The following NKAIN3 variants were observed in gnomAD, a reference collection of about 807,000 sequenced individuals.
NKAIN3 encodes sodium/potassium transporting ATPase interacting 3, also known as sodium/potassium-transporting ATPase subunit beta-1-interacting protein 3.
In NKAIN3, 25 loss-of-function variants were observed where a neutral mutation model predicts 30.2. The ratio of observed to expected loss-of-function variants is 0.83; its 90% CI spans 0.60 to 1.16. The LOEUF (loss-of-function observed/expected upper bound fraction) is 1.16. Among genes scored for constraint, NKAIN3 ranks in the 50% most tolerant of loss-of-function variants. NKAIN3 has a pLI of 0.00. For missense variants in NKAIN3, 225 were observed against 254.1 expected (o/e 0.89, Z 0.78); for synonymous variants, 91 against 89.6 (o/e 1.02, Z -0.09).
chr8:62,708,484 A>G (rs955705383), intron 3 of NKAIN3, among the ~76,000 whole-genome samples: 2 of 152,040 alleles, frequency 1.3e-5, no homozygotes, highest in Middle Eastern at 3.4e-3. Context: ...TTTTGCAGCT[A>G]TTGTAAAAGG....
intron 1 of NKAIN3, among the ~76,000 whole-genome samples, chr8:62,360,977 A>G (rs1816541847): frequency 6.7e-6 from 1 of 150,056 alleles, no homozygotes; most frequent in African/African-American, 2.5e-5. Context: ...TGAGGTTCTT[A>G]GAGGGCTAAA....
At chr8:62,867,051 T>C (rs1055135554) in intron 4 of NKAIN3, among the ~76,000 whole-genome samples, 1 of 119,038 alleles carries the variant, frequency 8.4e-6, no homozygotes, top group African/African-American at 3.2e-5. Flanking sequence ...CGAGACTCCG[T>C]CTTAAAAAAA....
intron 1 of NKAIN3, among the ~76,000 whole-genome samples, chr8:62,578,739 T>G (rs1810199836): frequency 6.6e-6 from 1 of 152,048 alleles, no homozygotes; most frequent in Non-Finnish European, 1.5e-5. Context: ...TATGTTATAC[T>G]AAGCCAATCG....
At chr8:62,734,893 G>A (rs1586142851) in intron 3 of NKAIN3, among the ~76,000 whole-genome samples, 1 of 152,302 alleles carries the variant, frequency 6.6e-6, no homozygotes, top group African/African-American at 2.4e-5. Context: ...ATTCTTCACT[G>A]ATAATTGTTT....
intron 1 of NKAIN3, among the ~76,000 whole-genome samples, chr8:62,393,023 GTC>G (rs1272436070): frequency 1.3e-5 from 2 of 151,318 alleles, no homozygotes; most frequent in Admixed American, 1.3e-4. Flanking sequence ...CATGGTGCAG[GTC>G]TCTAAATTTC....
intron 4 of NKAIN3, among the ~76,000 whole-genome samples, chr8:62,838,235 T>TA (rs1463943725): frequency 1.3e-5 from 2 of 151,672 alleles, no homozygotes; most frequent in Non-Finnish European, 2.9e-5. Flanking sequence ...GGAGATATAT[T>TA]AACTCATGTT....
intron 1 of NKAIN3, among the ~76,000 whole-genome samples, chr8:62,493,187 A>G (rs1807126577): frequency 6.6e-6 from 1 of 151,986 alleles, no homozygotes; most frequent in African/African-American, 2.4e-5. Flanking sequence ...TTGGTTTTAC[A>G]TTTAAGTCTT....
intron 1 of NKAIN3, among the ~76,000 whole-genome samples, chr8:62,545,423 TAAAA>T (rs1808973554): frequency 2.6e-5 from 4 of 151,962 alleles, no homozygotes; most frequent in African/African-American, 9.7e-5. Context: ...TCATCTCTAC[TAAAA>T]ATACAAAAAT....
intron 3 of NKAIN3, among the ~76,000 whole-genome samples, chr8:62,630,758 T>G (rs1318489933): frequency 6.6e-6 from 1 of 152,168 alleles, no homozygotes; most frequent in Non-Finnish European, 1.5e-5. Flanking sequence ...CTTCTCTTTC[T>G]GAAAGCACTC....
intron 4 of NKAIN3, among the ~76,000 whole-genome samples, chr8:62,832,572 G>GATA (rs113433015): frequency 0.027 from 4,028 of 151,800 alleles, 176 homozygotes; most frequent in African/African-American, 0.092. Flanking sequence ...TCATTATAAT[G>GATA]ATATTTTATC....
At chr8:62,415,872 C>T (rs1398748613) in intron 1 of NKAIN3, among the ~76,000 whole-genome samples, 2 of 151,988 alleles carry the variant, frequency 1.3e-5, no homozygotes, top group African/African-American at 4.8e-5. Flanking sequence ...ATTCTCCTGC[C>T]TCAGCCTCCC....
At chr8:62,801,843 C>T (rs1818074910) in intron 4 of NKAIN3, among the ~76,000 whole-genome samples, 1 of 152,078 alleles carries the variant, frequency 6.6e-6, no homozygotes, top group Non-Finnish European at 1.5e-5. Context: ...GAAATTCAAA[C>T]CAAAGGCAAA....
chr8:62,506,538 G>A (rs1456155560), intron 1 of NKAIN3, among the ~76,000 whole-genome samples: 3 of 139,724 alleles, frequency 2.1e-5, no homozygotes, highest in Non-Finnish European at 4.5e-5. Context: ...GCAGTGGTGT[G>A]ATCTCAGCTC....
At chr8:62,253,338 A>T (rs1378651844) in intron 1 of NKAIN3, among the ~76,000 whole-genome samples, 1 of 152,154 alleles carries the variant, frequency 6.6e-6, no homozygotes, top group Admixed American at 6.5e-5. Context: ...CACTTTGGGA[A>T]GCCAAGGTAG....
chr8:62,902,364 A>G (rs1821638900), intron 4 of NKAIN3, among the ~76,000 whole-genome samples: 2 of 152,254 alleles, frequency 1.3e-5, no homozygotes, highest in African/African-American at 4.8e-5. Flanking sequence ...AATGTGGGAC[A>G]GAGGTTGAAT....
chr8:62,686,269 C>A (rs1049938465), intron 3 of NKAIN3, among the ~76,000 whole-genome samples: 68 of 152,102 alleles, frequency 4.5e-4, no homozygotes, highest in African/African-American at 1.6e-3. Context: ...AAACCCAACT[C>A]TCCTCCTTCC....
intron 4 of NKAIN3, among the ~76,000 whole-genome samples, chr8:62,889,479 C>A (rs1166742384): frequency 6.6e-6 from 1 of 152,086 alleles, no homozygotes; most frequent in African/African-American, 2.4e-5. Flanking sequence ...TGCTGATAAG[C>A]TCAGGATGAG....
intron 1 of NKAIN3, among the ~76,000 whole-genome samples, chr8:62,432,346 A>G (rs779355493): frequency 6.6e-6 from 1 of 152,074 alleles, no homozygotes; most frequent in South Asian, 2.1e-4. Context: ...AGGAACTTCA[A>G]GAAATGAGGA....
At chr8:62,963,270 C>T (rs1823621551) in intron 6 of NKAIN3, among the ~76,000 whole-genome samples, 1 of 152,188 alleles carries the variant, frequency 6.6e-6, no homozygotes, top group African/African-American at 2.4e-5. Context: ...TGAATGCCCT[C>T]TTTCAGAGTT....
Sources: allele counts gnomAD v4.1 joint callset (sites outside exome capture counted in the v4.1 genomes callset), GRCh38; gene constraint gnomAD v4.1.1; transcripts MANE v1.5; gene names NCBI Gene and HGNC (gene_info 2026-07-23, HGNC 2026-07-21).